The following CACNA2D3 variants were observed in gnomAD, a reference collection of about 807,000 sequenced individuals.
CACNA2D3 encodes calcium voltage-gated channel auxiliary subunit alpha2delta 3.
CACNA2D3 carries 60 observed loss-of-function variants against 160.6 expected under a neutral mutation model. That is an observed-to-expected ratio of 0.37 (90% CI 0.30 to 0.46). CACNA2D3 has a LOEUF of 0.46. CACNA2D3 is among the 20% of genes least tolerant of loss of function. The probability of loss-of-function intolerance (pLI) is 1.00; values close to 1 mark genes in which losing one functional copy is unlikely to be tolerated. For synonymous variants in CACNA2D3, 558 were observed against 492.9 expected (o/e 1.13, Z -1.75); for missense variants, 1,205 against 1,365.0 (o/e 0.88, Z 1.85).
chr3:54,922,124 G>A (rs1700870238), intron 27 of CACNA2D3, among the ~76,000 whole-genome samples: 1 of 152,070 alleles, frequency 6.6e-6, no homozygotes, highest in Admixed American at 6.5e-5. Flanking sequence ...GTGACGGCGT[G>A]TTGAAATGCG....
At chr3:54,512,044 G>C (rs955488863) in intron 5 of CACNA2D3, among the ~76,000 whole-genome samples, 1 of 152,112 alleles carries the variant, frequency 6.6e-6, no homozygotes, top group Non-Finnish European at 1.5e-5. Flanking sequence ...AGTTATATAT[G>C]CCACAGGTCC....
At chr3:54,959,337 G>A (rs1701978131) in intron 27 of CACNA2D3, among the ~76,000 whole-genome samples, 1 of 152,300 alleles carries the variant, frequency 6.6e-6, no homozygotes, top group Non-Finnish European at 1.5e-5. Context: ...AGGGAGCTGG[G>A]TGTGCTTGGG....
At chr3:54,186,684 C>G (rs546658010) in intron 2 of CACNA2D3, among the ~76,000 whole-genome samples, 1 of 151,880 alleles carries the variant, frequency 6.6e-6, no homozygotes. Context: ...TTAATGTGCT[C>G]TCTGCTGTGT....
chr3:54,328,385 A>G (rs7634811), intron 3 of CACNA2D3, among the ~76,000 whole-genome samples: 102,347 of 151,996 alleles, frequency 0.67, 34,845 homozygotes, highest in Non-Finnish European at 0.74. Flanking sequence ...GGGTTCAAGC[A>G]ACTCTCCTGC....
At chr3:54,604,368 C>T (rs922379811) in intron 9 of CACNA2D3, among the ~76,000 whole-genome samples, 3 of 152,188 alleles carry the variant, frequency 2.0e-5, no homozygotes, top group African/African-American at 7.2e-5. Flanking sequence ...ATGATGCCAG[C>T]ACTCACACTG....
At chr3:54,460,884 C>A (rs1700491019) in intron 4 of CACNA2D3, among the ~76,000 whole-genome samples, 1 of 152,158 alleles carries the variant, frequency 6.6e-6, no homozygotes, top group African/African-American at 2.4e-5. Context: ...CCAGTTTTTG[C>A]CCATTCAGTG....
intron 35 of CACNA2D3, among the ~76,000 whole-genome samples, chr3:55,028,323 C>A (rs1703609113): frequency 6.6e-6 from 1 of 152,042 alleles, no homozygotes; most frequent in Non-Finnish European, 1.5e-5. Context: ...AATGCAGGAG[C>A]CTAAAAGAAA....
intron 13 of CACNA2D3, among the ~76,000 whole-genome samples, chr3:54,809,931 A>G (rs1703255727): frequency 6.6e-6 from 1 of 152,184 alleles, no homozygotes; most frequent in South Asian, 2.1e-4. Context: ...AAAAAACCTA[A>G]ACAAGTAAAG....
intron 11 of CACNA2D3, among the ~76,000 whole-genome samples, chr3:54,678,594 G>A (rs894190004): frequency 9.9e-5 from 15 of 151,590 alleles, no homozygotes; most frequent in Admixed American, 7.9e-4. Context: ...GGTGGTGCGC[G>A]CCTGTAGTCC....
At chr3:54,924,549 C>T in intron 27 of CACNA2D3, 1 of 1,256,684 alleles carries the variant, frequency 8.0e-7, no homozygotes, top group Admixed American at 1.9e-5. Flanking sequence ...CTTTCTAATG[C>T]AGAGAACAGA....
intron 11 of CACNA2D3, among the ~76,000 whole-genome samples, chr3:54,675,475 G>A (rs895625390): frequency 1.6e-4 from 24 of 152,128 alleles, no homozygotes; most frequent in Admixed American, 6.5e-5. Context: ...GAAAAAAGTG[G>A]TGAAAGCCTC....
chr3:54,601,686 C>G (rs549326445), intron 9 of CACNA2D3, among the ~76,000 whole-genome samples: 1 of 151,882 alleles, frequency 6.6e-6, no homozygotes, highest in Non-Finnish European at 1.5e-5. Flanking sequence ...TCTTATACCC[C>G]AGTCACTAGT....
intron 14 of CACNA2D3, among the ~76,000 whole-genome samples, chr3:54,832,268 G>A (rs543386462): frequency 9.2e-5 from 14 of 152,252 alleles, no homozygotes; most frequent in Admixed American, 2.6e-4. Context: ...TGCAGCTCGC[G>A]CAGAGTGTGT....
At chr3:54,732,349 A>G (rs887774629) in intron 11 of CACNA2D3, among the ~76,000 whole-genome samples, 3 of 152,178 alleles carry the variant, frequency 2.0e-5, no homozygotes, top group Non-Finnish European at 4.4e-5. Context: ...ATGAGAGAAG[A>G]TGGTCCTTGC....
intron 17 of CACNA2D3, among the ~76,000 whole-genome samples, chr3:54,855,078 C>T (rs1349874893): frequency 6.6e-6 from 1 of 152,212 alleles, no homozygotes; most frequent in Non-Finnish European, 1.5e-5. Flanking sequence ...GAGCCTCTGT[C>T]AGCCTCTCCA....
chr3:54,595,310 T>TG (rs964457701), intron 9 of CACNA2D3, among the ~76,000 whole-genome samples: 6 of 144,382 alleles, frequency 4.2e-5, no homozygotes, highest in African/African-American at 1.6e-4. Context: ...GCTCTGTGTG[T>TG]GTGGTGTGTG....
rs1056894156 is a variant in CACNA2D3 at position 54,648,352 on chromosome 3, G to A, written c.1167+6111G>A. Among the ~76,000 whole-genome samples the A allele has an allele frequency of 1.2e-4, 18 of 152,190 alleles. No homozygotes were observed. The South Asian group carries it at 2.3e-3, about 19-fold the overall frequency. On this transcript the variant is annotated intron_variant, in intron 11 of 37. Transcript: ENST00000474759. The stretch of plus-strand genomic sequence containing the variant: ...TAGCCACACCCATTTGTTTACTATT[G>A]TCTATGGCTGATGGCAGAATTCAGT...
intron 13 of CACNA2D3, among the ~76,000 whole-genome samples, chr3:54,779,783 G>A (rs546061766): frequency 3.3e-5 from 5 of 152,168 alleles, no homozygotes; most frequent in African/African-American, 1.2e-4. Context: ...TTCCATCTCA[G>A]GTCCCCTATA....
intron 4 of CACNA2D3, among the ~76,000 whole-genome samples, chr3:54,451,549 T>C (rs1022932569): frequency 1.7e-4 from 26 of 152,180 alleles, no homozygotes; most frequent in Non-Finnish European, 3.5e-4. Context: ...AGGTGATTGA[T>C]TGGGTTCACG....
Sources: allele counts gnomAD v4.1 joint callset (sites outside exome capture counted in the v4.1 genomes callset), GRCh38; gene constraint gnomAD v4.1.1; transcripts MANE v1.5; gene names NCBI Gene and HGNC (gene_info 2026-07-23, HGNC 2026-07-21).